The following NLGN2 variants were observed in gnomAD, a reference collection of about 807,000 sequenced individuals.
The protein encoded by NLGN2 is neuroligin 2, also known as neuroligin-2.
Under a neutral mutation model 48.6 loss-of-function variants are expected in NLGN2, and 11 were observed. That is an observed-to-expected ratio of 0.23 (90% CI 0.14 to 0.37). NLGN2 has a LOEUF of 0.37. NLGN2 is among the 10% of genes least tolerant of loss of function. The pLI is 1.00. For synonymous variants in NLGN2, 548 were observed against 550.0 expected, an observed-to-expected ratio of 1.00 and a Z score of 0.05; for missense variants, 801 against 1,225.2, an observed-to-expected ratio of 0.65 and a Z score of 5.17.
Position 7,408,600 on chromosome 17 carries a change from C to T in NLGN2, c.345C>T (p.Pro115=). ...ACPQNLHGAL[P]AIMLPVWFTD... is the part of the protein sequence containing the mutation. ...CGCAGAACCTGCACGGGGCGCTGCC[C>T]GCCATCATGCTGCCTGTGTGGTTCA... Residue 115 remains proline (P), a synonymous_variant, in exon 1 of 7, where the codon CCC becomes CCT. Coordinates refer to ENST00000302926, the MANE Select transcript of NLGN2 (RefSeq NM_020795.4). The surrounding 1 kb of genome is among the most constrained non-coding windows in gnomAD (Gnocchi z 7.5). 1 of 1,590,178 alleles carries T rather than the reference C, an allele frequency of 6.3e-7. No individual in the cohort carries two copies. The highest frequency in any genetic ancestry group is 1.1e-5 in the South Asian group (1 of 88,072).
rs948177560 is a variant in NLGN2, at chr17:7,418,056, T to C, written c.*257T>C. ...CATTGGGACACCAGTCTTCGGTGTG[T>C]GGAATGTGGTATTTTCCCGCGTGGA... On this transcript the variant is annotated 3_prime_UTR_variant, in exon 7 of 7. Transcript: ENST00000302926. 6 of 308,876 alleles carry C rather than the reference T, an allele frequency of 1.9e-5. No homozygotes were observed. The South Asian group carries it at 9.3e-4, about 48-fold the overall frequency. The allele number at this position is 308,876 out of a possible 1,614,324, so 19.1% of individuals were successfully genotyped here.
intron 1 of NLGN2, among the ~76,000 whole-genome samples, chr17:7,410,828 A>T (rs575470138): frequency 6.6e-6 from 1 of 152,182 alleles, no homozygotes. Flanking sequence ...GCGCGCGCAC[A>T]CACACACGCG....
In NLGN2 at chr17:7,408,722, C is replaced by G. The variant is rs766313959; in HGVS notation, c.457+10C>G. On this transcript the variant is annotated intron_variant, in intron 1 of 6. Transcript: ENST00000302926. The surrounding 1 kb of genome is among the most constrained non-coding windows in gnomAD (Gnocchi z 7.5). ...GTGCCCACCGAGGACGGTAAGGGCG[C>G]GGGCACAAAGCCGGGCACCCCGTGG... The G allele has an allele frequency of 6.2e-7, 1 of 1,612,712 alleles. No homozygotes were observed. Among genetic ancestry groups the G allele is most frequent in the Non-Finnish European group, 8.5e-7 (1 of 1,179,566 alleles).
Position 7,408,845 on chromosome 17 carries a change from C to G in NLGN2, c.457+133C>G. ...GGGGGCAGTGAGGGACGGAGTGTCC[C>G]TGCAACCTCTACGTGCCCCCTGAGG... is the stretch of plus-strand genomic sequence containing the variant. On this transcript the variant is annotated intron_variant, in intron 1 of 6. Transcript: ENST00000302926. This position sits in a 1 kb window ranked among gnomAD's most constrained non-coding sequence, Gnocchi z 7.5. The G allele has an allele frequency of 6.6e-7, 1 of 1,510,452 alleles. No individual in the cohort carries two copies. The highest frequency in any genetic ancestry group is 9.0e-7 in the Non-Finnish European group (1 of 1,108,910). The allele number at this position is 1,510,452 out of a possible 1,614,324, so 93.6% of individuals were successfully genotyped here.
rs1336104846 is a variant in NLGN2, at chr17:7,411,940, G to C, written c.458-217G>C. Among the ~76,000 whole-genome samples the C allele has an allele frequency of 6.6e-6, 1 of 151,936 alleles. No individual in the cohort carries two copies. The highest frequency in any genetic ancestry group is 1.9e-4 in the East Asian group (1 of 5,178). The stretch of plus-strand genomic sequence containing the variant: ...TCTTTGGGGCATGACTTTTTCTGGG[G>C]AGGGGAACAAAATTGGGTTGTAGAA... On this transcript the variant is annotated intron_variant, in intron 1 of 6. Coordinates refer to ENST00000302926, the MANE Select transcript of NLGN2 (RefSeq NM_020795.4). The surrounding 1 kb of genome is among the most constrained non-coding windows in gnomAD (Gnocchi z 4.5).
At chr17:7,407,034 T>C (rs555517771), upstream of NLGN2, among the ~76,000 whole-genome samples, 1 of 152,260 alleles carries the variant, frequency 6.6e-6, no homozygotes, top group South Asian at 2.1e-4. Flanking sequence ...TTAGCGTTCT[T>C]GGTGCCCCCA....
intron 2 of NLGN2, 120 bp downstream of exon 2, chr17:7,412,327 G>A: frequency 1.4e-6 from 1 of 739,138 alleles, no homozygotes; most frequent in Non-Finnish European, 2.4e-6. Context: ...CAACTAAAAT[G>A]AAAAAGAAAA....
At chr17:7,414,922 C>T in intron 4 of NLGN2, 34 bp from the exon 5 acceptor site, 2 of 1,613,060 alleles carry the variant, frequency 1.2e-6, no homozygotes, top group South Asian at 2.2e-5. Flanking sequence ...GGCCGGTACT[C>T]ACAGCCTGGC....
At chr17:7,414,926 G>C (rs756014496) in intron 4 of NLGN2, 30 bp from the exon 5 acceptor site, 3 of 1,613,144 alleles carry the variant, frequency 1.9e-6, no homozygotes, top group Admixed American at 1.7e-5. Context: ...GGTACTCACA[G>C]CCTGGCCTGA....
At chr17:7,407,545 T>C (rs1289543066), upstream of NLGN2, among the ~76,000 whole-genome samples, 1 of 152,222 alleles carries the variant, frequency 6.6e-6, no homozygotes, top group Non-Finnish European at 1.5e-5. Flanking sequence ...TAAACAAACC[T>C]GCCTCTTCCA....
chr17:7,408,139 T>A lies in NLGN2; in HGVS notation c.-117T>A. On this transcript the variant is annotated 5_prime_UTR_variant, in exon 1 of 7. Coordinates refer to ENST00000302926, the MANE Select transcript of NLGN2 (RefSeq NM_020795.4). This position sits in a 1 kb window ranked among gnomAD's most constrained non-coding sequence, Gnocchi z 7.5. ...CCCTCCCCAACCCCCTCCTCCCTCC[T>A]TTCCCCCCGCCCCTCCTCCCTCCTG... 4.6e-6 allele frequency: 2 copies of A among 433,700 alleles called. No individual in the cohort carries two copies. Among genetic ancestry groups the A allele is most frequent in the Admixed American group, 5.0e-5 (1 of 20,100 alleles). 26.9% of individuals were successfully genotyped at this position (433,700 alleles called of 1,614,324 possible).
rs1434258269 is a variant in NLGN2 at position 7,411,225 on chromosome 17, T to C, written c.458-932T>C. Among the ~76,000 whole-genome samples the C allele has an allele frequency of 6.6e-6, 1 of 151,808 alleles. No homozygotes were observed. The highest frequency in any genetic ancestry group is 2.1e-4 in the South Asian group (1 of 4,792). Reference sequence around the variant, plus strand: ...GTGGACTGAACCACCCGCTCGGCCGTTGGGGAAGGGGTGCTTTTTGGCAGT... The same window carrying C: ...GTGGACTGAACCACCCGCTCGGCCGCTGGGGAAGGGGTGCTTTTTGGCAGT... On this transcript the variant is annotated intron_variant, in intron 1 of 6. Coordinates refer to ENST00000302926, the MANE Select transcript of NLGN2 (RefSeq NM_020795.4). The surrounding 1 kb of genome is among the most constrained non-coding windows in gnomAD (Gnocchi z 4.5).
upstream of NLGN2, among the ~76,000 whole-genome samples, chr17:7,406,026 A>G (rs1020182179): frequency 6.6e-6 from 1 of 152,084 alleles, no homozygotes; most frequent in Non-Finnish European, 1.5e-5. Flanking sequence ...GACAGAGATG[A>G]GGAGAGAAAA....
At chr17:7,416,202 T>A in intron 6 of NLGN2, 95 bp downstream of exon 6, 1 of 1,048,324 alleles carries the variant, frequency 9.5e-7, no homozygotes, top group Non-Finnish European at 1.5e-6. Flanking sequence ...TGGCCTGCCC[T>A]CTTGCTCGAG....
In NLGN2 at chr17:7,416,167, C is replaced by G. The variant is rs369236507; in HGVS notation, c.1634+60C>G. The G allele has an allele frequency of 2.5e-5, 35 of 1,385,234 alleles. No individual in the cohort carries two copies. The African/African-American group carries it at 4.8e-4, about 19-fold the overall frequency. 85.8% of individuals were successfully genotyped at this position (1,385,234 alleles called of 1,614,324 possible). A position where few individuals can be genotyped will look rare whatever the true frequency, so the allele number is the denominator to read the frequency against. On this transcript the variant is annotated intron_variant, in intron 6 of 6. Transcript: ENST00000302926. ...GGCCCTCCCTCCTTCACATGGCCGC[C>G]GTTCCTCTGTTAAGGCACTCACTCT...
At chr17:7,415,295 G>A in intron 5 of NLGN2, 147 bp downstream of exon 5, 1 of 865,924 alleles carries the variant, frequency 1.2e-6, no homozygotes, top group Non-Finnish European at 1.8e-6. Flanking sequence ...TCCTTCAGTG[G>A]AGGTGCTCAA....
At position 7,417,204 on chromosome 17, in the gene NLGN2, C is replaced by G; in HGVS notation, c.1913C>G (p.Pro638Arg). 6.4e-7 allele frequency: 1 copy of G among 1,558,796 alleles called. No homozygotes were observed. Among genetic ancestry groups the G allele is most frequent in the South Asian group, 1.2e-5 (1 of 86,176 alleles). Residue 638 changes from proline to arginine, a missense_variant, in exon 7 of 7, where the codon CCG (proline) becomes CGG (arginine). Pro to Arg is a moderately radical substitution (Grantham distance 103). Around this residue, in one of 5 missense-constraint regions of NLGN2, gnomAD observed 276 missense variants for 313.9 expected, o/e 0.88. Transcript: ENST00000302926. Reference protein sequence around the residue: ...RWPPRPPAGAPGTRRPPPPAT... With the variant: ...RWPPRPPAGARGTRRPPPPAT... Reference sequence around the variant, plus strand: ...CCGCCTCGTCCCCCCGCTGGCGCCCCGGGCACACGCCGGCCCCCGCCGCCT... The same window carrying G: ...CCGCCTCGTCCCCCCGCTGGCGCCCGGGGCACACGCCGGCCCCCGCCGCCT...
chr17:7,408,948 G>A lies in NLGN2; in HGVS notation c.457+236G>A, dbSNP rs548564310. Among the ~76,000 whole-genome samples, 1 of 152,246 alleles carries A rather than the reference G, an allele frequency of 6.6e-6. No individual in the cohort carries two copies. Among genetic ancestry groups the A allele is most frequent in the East Asian group, 1.9e-4 (1 of 5,180 alleles). ...TCCATAAGTTCTTTACGCCCATGGG[G>A]GGCCATGGTAGGGATGGCAGGCACT... On this transcript the variant is annotated intron_variant, in intron 1 of 6. Transcript: ENST00000302926. The surrounding 1 kb of genome is among the most constrained non-coding windows in gnomAD (Gnocchi z 7.5).
At position 7,414,975 on chromosome 17, in the gene NLGN2, C is replaced by A. The variant is rs781335217; in HGVS notation, c.864C>A (p.Ile288=). The A allele has an allele frequency of 1.2e-6, 2 of 1,612,406 alleles. No homozygotes were observed. Among genetic ancestry groups the A allele is most frequent in the South Asian group, 1.1e-5 (1 of 91,080 alleles). ...HHSEGLFQKA[I]AQSGTAISSW... Reference sequence around the variant, plus strand: ...CGCCAGGGCTGTTCCAGAAGGCCATCGCCCAGAGTGGCACCGCCATTTCCA... The same window carrying A: ...CGCCAGGGCTGTTCCAGAAGGCCATAGCCCAGAGTGGCACCGCCATTTCCA... The change falls in exon 5 of 7, where the codon ATC becomes ATA. Residue 288 remains isoleucine (I), a synonymous_variant. Transcript: ENST00000302926.
Sources: gnomAD v4.1 joint callset for allele counts (sites outside exome capture counted in the v4.1 genomes callset) on GRCh38, gnomAD v4.1.1 for gene constraint, gnomAD v4.1.1 regional missense constraint, Gnocchi (gnomAD v3.1) non-coding constraint, MANE v1.5 for transcripts, NCBI Gene and HGNC (gene_info 2026-07-23, HGNC 2026-07-21) for gene names.